WIPF3: variants seen among roughly 807,000 people sequenced by gnomAD.
WIPF3 encodes WAS/WASL-interacting protein family member 3.
A neutral mutation model predicts 38.9 loss-of-function variants in WIPF3; 33 were observed. The ratio of observed to expected loss-of-function variants is 0.85; its 90% CI spans 0.64 to 1.14. WIPF3 has a LOEUF of 1.14. Ranked by LOEUF, WIPF3 falls within the 50% of genes most tolerant of loss-of-function variation. The pLI is 0.00. For synonymous variants in WIPF3, 324 were observed against 269.3 expected, an observed-to-expected ratio of 1.20 and a Z score of -1.99; for missense variants, 711 against 652.5, an observed-to-expected ratio of 1.09 and a Z score of -0.98.
At chr7:29,910,885 C>G (rs1786493155) in intron 8 of WIPF3, among the ~76,000 whole-genome samples, 1 of 152,118 alleles carries the variant, frequency 6.6e-6, no homozygotes, top group African/African-American at 2.4e-5. Context: ...TTCATCGCTT[C>G]TATTCAACAT....
rs189031092 is a variant in WIPF3 at position 29,911,368 on chromosome 7, G to A, written c.1429-3125G>A. On this transcript the variant is annotated intron_variant, in intron 8 of 8. Transcript: ENST00000242140. Reference sequence around the variant, plus strand: ...CTACAGATTCAGTGTAAACCCTACCGAAATCTCAATGACATTTTCTTCAGA... The same window carrying A: ...CTACAGATTCAGTGTAAACCCTACCAAAATCTCAATGACATTTTCTTCAGA... Among the ~76,000 whole-genome samples, 32 of 152,134 alleles carry A rather than the reference G, an allele frequency of 2.1e-4. 1 individual carries two copies. The highest frequency in any genetic ancestry group is 6.5e-4 in the African/African-American group (27 of 41,528).
chr7:29,834,994 T>C (rs57579490), intron 2 of WIPF3, among the ~76,000 whole-genome samples, 180 bp downstream of exon 2: 3,868 of 152,046 alleles, frequency 0.025, 143 homozygotes, highest in African/African-American at 0.08. Context: ...CTCAGCCATT[T>C]CTCTCCCCCA....
At chr7:29,838,897 A>AACAAT (rs1228854205) in intron 2 of WIPF3, among the ~76,000 whole-genome samples, 10 of 152,220 alleles carry the variant, frequency 6.6e-5, no homozygotes, top group Non-Finnish European at 1.5e-4. Context: ...AAAATGAATC[A>AACAAT]ACAATACATG....
chr7:29,866,036 G>A (rs941520033), intron 2 of WIPF3, among the ~76,000 whole-genome samples: 2 of 152,216 alleles, frequency 1.3e-5, no homozygotes, highest in African/African-American at 2.4e-5. Context: ...GCACATGCCT[G>A]TAATCCCAGC....
chr7:29,833,956 AG>A (rs1446224720), intron 1 of WIPF3, among the ~76,000 whole-genome samples: 3 of 152,194 alleles, frequency 2.0e-5, no homozygotes, highest in Non-Finnish European at 4.4e-5. Flanking sequence ...ATTTATCCAG[AG>A]ATCAGACCTC....
In WIPF3 at chr7:29,823,240, T is replaced by C. The variant is rs1052318667; in HGVS notation, c.-57-11428T>C. On this transcript the variant is annotated intron_variant, in intron 1 of 8. Coordinates refer to ENST00000242140, the MANE Select transcript of WIPF3 (RefSeq NM_001080529.3). This position sits in a 1 kb window ranked among gnomAD's most constrained non-coding sequence, Gnocchi z 4.0. ...CATGCCAGAGAAGCCTTTTCTAGTG[T>C]GCACTGTAAGCTTTGAGAACCCAAC... is the stretch of plus-strand genomic sequence containing the variant. Among the ~76,000 whole-genome samples, 7 of 152,150 alleles carry C rather than the reference T, an allele frequency of 4.6e-5. No homozygotes were observed. Among genetic ancestry groups the C allele is most frequent in the African/African-American group, 1.4e-4 (6 of 41,414 alleles).
chr7:29,867,437 T>C (rs1785407809), intron 2 of WIPF3, among the ~76,000 whole-genome samples: 1 of 152,162 alleles, frequency 6.6e-6, no homozygotes, highest in Admixed American at 6.6e-5. Context: ...TTCTTTTTGA[T>C]AGTACTTTTT....
chr7:29,868,422 A>T (rs2128071920), intron 2 of WIPF3, among the ~76,000 whole-genome samples: 1 of 152,208 alleles, frequency 6.6e-6, no homozygotes, highest in South Asian at 2.1e-4. Flanking sequence ...TTAGCACTTT[A>T]AAAACGATCA....
At chr7:29,815,524 A>C (rs886290860) in intron 1 of WIPF3, among the ~76,000 whole-genome samples, 2 of 152,150 alleles carry the variant, frequency 1.3e-5, no homozygotes, top group African/African-American at 2.4e-5. Flanking sequence ...ATCCGTATGA[A>C]TTACATGTAT....
At chr7:29,900,805 A>G (rs1454488022) in intron 7 of WIPF3, among the ~76,000 whole-genome samples, 2 of 152,242 alleles carry the variant, frequency 1.3e-5, no homozygotes, top group African/African-American at 4.8e-5. Flanking sequence ...AGCTGGGGCT[A>G]GAGTCCAAGT....
At chr7:29,884,658 A>G in intron 5 of WIPF3, 65 bp downstream of exon 5, 2 of 1,506,900 alleles carry the variant, frequency 1.3e-6, no homozygotes, top group Non-Finnish European at 1.8e-6. Context: ...GTTGCACAGG[A>G]CTTTATTGTT....
At chr7:29,873,601 A>G (rs1484015106) in intron 2 of WIPF3, among the ~76,000 whole-genome samples, 1 of 152,232 alleles carries the variant, frequency 6.6e-6, no homozygotes, top group Middle Eastern at 3.2e-3. Context: ...TTAAAAGCAT[A>G]TTGTATGGGA....
intron 2 of WIPF3, among the ~76,000 whole-genome samples, chr7:29,858,719 T>C (rs138956885): frequency 6.6e-6 from 1 of 152,318 alleles, no homozygotes; most frequent in African/African-American, 2.4e-5. Flanking sequence ...TTGCTGGCAT[T>C]CACTTAAACA....
At chr7:29,881,251 A>G (rs1267447383) in intron 4 of WIPF3, among the ~76,000 whole-genome samples, 1 of 152,200 alleles carries the variant, frequency 6.6e-6, no homozygotes, top group Non-Finnish European at 1.5e-5. Context: ...CATATCATGT[A>G]TTCACTGGTT....
Position 29,884,052 on chromosome 7 carries a change from AC to A in WIPF3, c.563del (p.Pro188ArgfsTer20). 1 of 775,944 alleles carries A rather than the reference AC, an allele frequency of 1.3e-6. No homozygotes were observed. Among genetic ancestry groups the A allele is most frequent in the Non-Finnish European group, 1.5e-6 (1 of 656,528 alleles). 48.1% of individuals were successfully genotyped at this position (775,944 alleles called of 1,614,324 possible). ...CCCCACCCCCTCCGCCTCCACCCTT[AC>A]CCCCGCCCCTTCCCTCTTCCTCCCC... is the stretch of plus-strand genomic sequence containing the variant. ...PTPPPPPPPL[P>X]PPLPSSSPIK... On this transcript the variant is annotated frameshift_variant, in exon 5 of 9. Coordinates refer to ENST00000242140, the MANE Select transcript of WIPF3 (RefSeq NM_001080529.3). LOFTEE classifies it high-confidence loss of function.
At chr7:29,812,160 T>C (rs1784389865) in intron 1 of WIPF3, among the ~76,000 whole-genome samples, 1 of 152,242 alleles carries the variant, frequency 6.6e-6, no homozygotes, top group African/African-American at 2.4e-5. Flanking sequence ...AGCATAAATA[T>C]TTTATTTTTT....
chr7:29,890,576 C>T (rs1785985784), intron 7 of WIPF3, among the ~76,000 whole-genome samples: 2 of 152,314 alleles, frequency 1.3e-5, no homozygotes, highest in Non-Finnish European at 2.9e-5. Context: ...GACCAGGAAT[C>T]GTGAGCCAGG....
chr7:29,847,072 T>A (rs1034264331), intron 2 of WIPF3, among the ~76,000 whole-genome samples: 1 of 152,230 alleles, frequency 6.6e-6, no homozygotes, highest in South Asian at 2.1e-4. Context: ...TTTAATGCCC[T>A]GAACAGGAGT....
chr7:29,831,806 G>A (rs1784727891), intron 1 of WIPF3, among the ~76,000 whole-genome samples: 2 of 152,142 alleles, frequency 1.3e-5, no homozygotes, highest in African/African-American at 4.8e-5. Flanking sequence ...TGGGCAGAAG[G>A]TCTTTCTGAA....
Sources: gnomAD v4.1 joint callset for allele counts (sites outside exome capture counted in the v4.1 genomes callset) on GRCh38, gnomAD v4.1.1 for gene constraint, Gnocchi (gnomAD v3.1) non-coding constraint, MANE v1.5 for transcripts, NCBI Gene and HGNC (gene_info 2026-07-23, HGNC 2026-07-21) for gene names.